Variants in CCDC178 observed in about 807,000 individuals in gnomAD.
CCDC178 encodes the protein coiled-coil domain containing 178.
In CCDC178, 126 loss-of-function variants were observed where a neutral mutation model predicts 117.4. That is an observed-to-expected ratio of 1.07 (90% CI 0.93 to 1.24). The LOEUF is 1.24. Among genes scored for constraint, CCDC178 ranks in the 50% most tolerant of loss-of-function variants. The probability of loss-of-function intolerance (pLI) is 0.00; values close to 1 mark genes in which losing one functional copy is unlikely to be tolerated. For missense variants in CCDC178, 1,030 were observed against 986.9 expected (o/e 1.04, Z -0.59); for synonymous variants, 283 against 313.4 (o/e 0.90, Z 1.02).
At chr18:33,356,397 A>G in intron 6 of CCDC178, 51 bp from the exon 7 acceptor site, 1 of 1,402,858 alleles carries the variant, frequency 7.1e-7, no homozygotes, top group Non-Finnish European at 9.6e-7. Flanking sequence ...CATATTAAAA[A>G]ACTGAATAAA....
At chr18:33,388,808 A>G (rs188820381) in intron 5 of CCDC178, among the ~76,000 whole-genome samples, 60 of 152,182 alleles carry the variant, frequency 3.9e-4, no homozygotes, top group African/African-American at 1.4e-3. Flanking sequence ...TTATACAGCC[A>G]TAAAAAGGAA....
chr18:32,939,826 G>T (rs373757908), intron 22 of CCDC178, among the ~76,000 whole-genome samples: 2 of 152,034 alleles, frequency 1.3e-5, no homozygotes, highest in Non-Finnish European at 2.9e-5. Flanking sequence ...TTTCATATCC[G>T]AAATGTTTGG....
At chr18:33,237,958 A>C (rs1415371800) in intron 15 of CCDC178, among the ~76,000 whole-genome samples, 2 of 152,154 alleles carry the variant, frequency 1.3e-5, no homozygotes, top group African/African-American at 4.8e-5. Flanking sequence ...TCTGAGAAAC[A>C]GCCCAGTGAG....
intron 21 of CCDC178, among the ~76,000 whole-genome samples, chr18:32,977,200 G>C (rs1048793174): frequency 1.3e-4 from 20 of 152,040 alleles, no homozygotes; most frequent in Admixed American, 2.6e-4. Flanking sequence ...ACTTGCTTTA[G>C]GTTATTCAAT....
At chr18:33,295,170 T>A (rs759971515) in intron 11 of CCDC178, among the ~76,000 whole-genome samples, 1 of 152,158 alleles carries the variant, frequency 6.6e-6, no homozygotes, top group Non-Finnish European at 1.5e-5. Flanking sequence ...TACACAAGCA[T>A]GTCTGATTCT....
chr18:33,240,061 A>G (rs539054343), intron 15 of CCDC178, among the ~76,000 whole-genome samples: 1 of 152,102 alleles, frequency 6.6e-6, no homozygotes, highest in South Asian at 2.1e-4. Context: ...ACTTACAAGA[A>G]AACTAGAAAT....
intron 20 of CCDC178, among the ~76,000 whole-genome samples, chr18:33,192,988 G>A (rs556757359): frequency 3.3e-5 from 5 of 151,272 alleles, no homozygotes; most frequent in East Asian, 3.9e-4. Flanking sequence ...GGCTGGGCGC[G>A]GTGGCTCACA....
chr18:33,374,454 T>C (rs1309750155), intron 5 of CCDC178, among the ~76,000 whole-genome samples: 2 of 152,172 alleles, frequency 1.3e-5, no homozygotes, highest in African/African-American at 4.8e-5. Flanking sequence ...ACACACACAC[T>C]ATAATGCCTA....
In CCDC178 at chr18:33,266,978, C is replaced by G; in HGVS notation, c.1347G>C (p.Leu449=). 1 of 1,600,288 alleles carries G rather than the reference C, an allele frequency of 6.2e-7. No individual in the cohort carries two copies. Among genetic ancestry groups the G allele is most frequent in the Non-Finnish European group, 8.5e-7 (1 of 1,175,788 alleles). Residue 449 remains leucine, a synonymous_variant, in exon 14 of 23, where the codon CTG becomes CTC. Coordinates refer to ENST00000383096, the MANE Select transcript of CCDC178 (RefSeq NM_001105528.4). ...FSAISLACTK[L]TEDNKKLEID... is the part of the protein sequence containing the mutation. ...TCTCAAGTTTTTTATTGTCTTCCGT[C>G]AGTTTTGTACATGCCAAAGAAATAG... is the stretch of plus-strand genomic sequence containing the variant.
intron 2 of CCDC178, among the ~76,000 whole-genome samples, chr18:33,418,040 A>T (rs1213710166): frequency 6.6e-6 from 1 of 152,140 alleles, no homozygotes; most frequent in Non-Finnish European, 1.5e-5. Context: ...AGACACAATG[A>T]AAAAGGAAAA....
intron 21 of CCDC178, among the ~76,000 whole-genome samples, chr18:33,042,237 A>G (rs947606753): frequency 6.6e-6 from 1 of 151,924 alleles, no homozygotes; most frequent in South Asian, 2.1e-4. Context: ...ATTATCAAAC[A>G]TGGCACAATT....
At chr18:33,090,657 T>C (rs956305227) in intron 21 of CCDC178, among the ~76,000 whole-genome samples, 2 of 152,216 alleles carry the variant, frequency 1.3e-5, no homozygotes, top group African/African-American at 4.8e-5. Context: ...TCTCTGTCCA[T>C]TGCAGCAAAT....
intron 21 of CCDC178, among the ~76,000 whole-genome samples, chr18:33,033,145 T>C (rs1466064030): frequency 1.3e-5 from 2 of 152,156 alleles, no homozygotes; most frequent in East Asian, 1.9e-4. Flanking sequence ...ATTATAATTA[T>C]GATTACAAAT....
intron 20 of CCDC178, among the ~76,000 whole-genome samples, chr18:33,123,195 T>A (rs1333820487): frequency 2.0e-5 from 3 of 152,126 alleles, no homozygotes; most frequent in Admixed American, 2.0e-4. Flanking sequence ...AAAAATAATA[T>A]AAAAGTACTA....
At chr18:33,014,142 G>A (rs898183038) in intron 21 of CCDC178, among the ~76,000 whole-genome samples, 1 of 152,162 alleles carries the variant, frequency 6.6e-6, no homozygotes, top group African/African-American at 2.4e-5. Flanking sequence ...AAAACCAACA[G>A]CCTTAATACC....
chr18:33,132,842 A>C lies in CCDC178; in HGVS notation c.2239-39932T>G, dbSNP rs1260672334. 4.0e-5 allele frequency among the ~76,000 whole-genome samples: 6 copies of C among 151,702 alleles called. No homozygotes were observed. In the East Asian group the frequency reaches 1.2e-3, roughly 29 times the overall value. On this transcript the variant is annotated intron_variant, in intron 20 of 22. Transcript: ENST00000383096. ...TACTTTCCTATTTCTTTCATTACCA[A>C]TTGTAATTTATAATGATGATGTAAT... is the stretch of plus-strand genomic sequence containing the variant.
intron 5 of CCDC178, among the ~76,000 whole-genome samples, chr18:33,371,899 C>A (rs1343507006): frequency 6.6e-6 from 1 of 151,666 alleles, no homozygotes; most frequent in African/African-American, 2.4e-5. Context: ...TTGATAAGGG[C>A]ATGTTGGCCC....
At chr18:33,150,066 A>G (rs143053292) in intron 20 of CCDC178, among the ~76,000 whole-genome samples, 3 of 152,336 alleles carry the variant, frequency 2.0e-5, no homozygotes, top group Non-Finnish European at 2.9e-5. Flanking sequence ...AAAAGTATAG[A>G]GAACCTAGAA....
intron 12 of CCDC178, among the ~76,000 whole-genome samples, chr18:33,281,097 T>TGTA (rs2060019971): frequency 6.9e-6 from 1 of 145,584 alleles, no homozygotes; most frequent in Non-Finnish European, 1.5e-5. Context: ...AAACTTAAAG[T>TGTA]ATAATAATAA....
Sources: allele counts gnomAD v4.1 joint callset (sites outside exome capture counted in the v4.1 genomes callset), GRCh38; gene constraint gnomAD v4.1.1; transcripts MANE v1.5; gene names NCBI Gene and HGNC (gene_info 2026-07-23, HGNC 2026-07-21).